Variants in TBCK observed in about 807,000 individuals in gnomAD.
The protein encoded by TBCK is TBC domain-containing protein kinase-like protein.
In TBCK, 99 loss-of-function variants were observed where a neutral mutation model predicts 113.4. The observed-to-expected ratio is 0.87, with a 90% CI of 0.74 to 1.03. TBCK has a LOEUF of 1.03. Among genes scored for constraint, TBCK ranks in the 50% least tolerant of loss-of-function variants. The pLI, the probability that TBCK is intolerant of heterozygous loss-of-function variation, is 0.00. For synonymous variants in TBCK, 369 were observed against 370.8 expected (o/e 1.00, Z 0.05); for missense variants, 1,045 against 1,061.3 (o/e 0.98, Z 0.21).
At chr4:106,135,685 A>G (rs1264428154) in intron 23 of TBCK, among the ~76,000 whole-genome samples, 2 of 141,796 alleles carry the variant, frequency 1.4e-5, no homozygotes, top group African/African-American at 5.0e-5. Context: ...AATTTGATAA[A>G]TAGTTACTGA....
At chr4:106,184,059 G>A (rs1047375109) in intron 22 of TBCK, among the ~76,000 whole-genome samples, 1 of 151,982 alleles carries the variant, frequency 6.6e-6, no homozygotes, top group African/African-American at 2.4e-5. Context: ...ACTTACTAGG[G>A]CTTCACCAAA....
At chr4:106,073,544 G>T (rs771884729) in intron 25 of TBCK, among the ~76,000 whole-genome samples, 1 of 152,202 alleles carries the variant, frequency 6.6e-6, no homozygotes, top group Non-Finnish European at 1.5e-5. Flanking sequence ...CTACTGGGAG[G>T]TATCTCCCAG....
chr4:106,300,115 C>A lies in TBCK; in HGVS notation c.194-4949G>T, dbSNP rs181781079. Among the ~76,000 whole-genome samples, 263 of 152,302 alleles carry A rather than the reference C, an allele frequency of 1.7e-3. 1 individual carries two copies. The highest frequency in any genetic ancestry group is 3.2e-3 in the Non-Finnish European group (219 of 68,032). ...GGTTCTATAAGGGGGAGTTTCCTTG[C>A]ACAAGTTCTCTTTTTTTGGCCTGCT... On this transcript the variant is annotated intron_variant, in intron 2 of 25. Transcript: ENST00000394708.
intron 23 of TBCK, among the ~76,000 whole-genome samples, chr4:106,152,631 T>G (rs957715492): frequency 2.6e-5 from 4 of 152,070 alleles, no homozygotes; most frequent in African/African-American, 9.7e-5. Flanking sequence ...CTCCACTATT[T>G]TTCAGAATAG....
At chr4:106,213,999 C>T (rs531488193) in intron 19 of TBCK, among the ~76,000 whole-genome samples, 2 of 152,268 alleles carry the variant, frequency 1.3e-5, no homozygotes, top group East Asian at 1.9e-4. Flanking sequence ...CAGTGGTTCT[C>T]CCAGCATGCA....
At chr4:106,281,842 C>G (rs779201702) in intron 3 of TBCK, among the ~76,000 whole-genome samples, 17 of 152,132 alleles carry the variant, frequency 1.1e-4, no homozygotes, top group Non-Finnish European at 2.4e-4. Flanking sequence ...CAATGATTTT[C>G]AGGGATATTG....
chr4:106,299,067 T>C (rs1766639302), intron 2 of TBCK, among the ~76,000 whole-genome samples: 1 of 152,222 alleles, frequency 6.6e-6, no homozygotes, highest in African/African-American at 2.4e-5. Flanking sequence ...TGCCTAGCAG[T>C]GCATCAGTAG....
intron 21 of TBCK, among the ~76,000 whole-genome samples, chr4:106,194,240 C>A (rs77945026): frequency 0.14 from 20,718 of 151,952 alleles, 1,675 homozygotes; most frequent in South Asian, 0.25. Context: ...ATATCTACTT[C>A]AAATATTATT....
At chr4:106,134,511 C>G (rs1746338008) in intron 23 of TBCK, among the ~76,000 whole-genome samples, 1 of 152,166 alleles carries the variant, frequency 6.6e-6, no homozygotes, top group African/African-American at 2.4e-5. Context: ...CCCCAACATC[C>G]CTTCTCCTCC....
Position 106,108,279 on chromosome 4 carries a change from C to T in TBCK, c.2411+7924G>A, listed in dbSNP as rs1019444451. On this transcript the variant is annotated intron_variant, in intron 24 of 25. Coordinates refer to ENST00000394708, the MANE Select transcript of TBCK (RefSeq NM_001163435.3). ...CTATGAGGCCAGCATCATCTTCATACCAAAGCCTGGCAGAGACACAGTAAA... is the reference window on the plus strand; with the variant it reads ...CTATGAGGCCAGCATCATCTTCATATCAAAGCCTGGCAGAGACACAGTAAA... 3.3e-5 allele frequency among the ~76,000 whole-genome samples: 5 copies of T among 151,240 alleles called. No homozygotes were observed. The East Asian group carries it at 9.6e-4, about 29-fold the overall frequency.
chr4:106,279,505 T>C (rs1042455403), intron 3 of TBCK, among the ~76,000 whole-genome samples: 1 of 152,176 alleles, frequency 6.6e-6, no homozygotes, highest in Non-Finnish European at 1.5e-5. Flanking sequence ...CAATAAATTA[T>C]TGTTGACTAT....
At chr4:106,216,062 T>C (rs1579275121) in intron 19 of TBCK, among the ~76,000 whole-genome samples, 2 of 151,894 alleles carry the variant, frequency 1.3e-5, no homozygotes, top group Admixed American at 1.3e-4. Flanking sequence ...ATTAAGAATC[T>C]CACTCAAAAC....
At chr4:106,060,550 T>A (rs1171784713) in intron 25 of TBCK, among the ~76,000 whole-genome samples, 1 of 151,798 alleles carries the variant, frequency 6.6e-6, no homozygotes, top group African/African-American at 2.4e-5. Flanking sequence ...TTTCAAAATA[T>A]TATTGCTCAT....
intron 25 of TBCK, among the ~76,000 whole-genome samples, chr4:106,056,972 AT>A (rs1735505548): frequency 1.3e-5 from 2 of 151,854 alleles, no homozygotes; most frequent in African/African-American, 4.8e-5. Flanking sequence ...ATTAACTTAT[AT>A]TTACATGAAA....
chr4:106,312,277 A>G (rs916154979), intron 1 of TBCK, among the ~76,000 whole-genome samples: 1 of 152,218 alleles, frequency 6.6e-6, no homozygotes, highest in Non-Finnish European at 1.5e-5. Flanking sequence ...CCACAATTCA[A>G]TAATAAAACA....
At chr4:106,180,298 C>T (rs969985616) in intron 22 of TBCK, among the ~76,000 whole-genome samples, 1 of 151,700 alleles carries the variant, frequency 6.6e-6, no homozygotes, top group East Asian at 1.9e-4. Flanking sequence ...TTGCTATTTG[C>T]TTGTTTTGTA....
At chr4:106,071,587 G>A (rs1467388568) in intron 25 of TBCK, among the ~76,000 whole-genome samples, 1 of 152,166 alleles carries the variant, frequency 6.6e-6, no homozygotes, top group Non-Finnish European at 1.5e-5. Flanking sequence ...GATTTGGGCT[G>A]AAGAGTTCTG....
intron 25 of TBCK, among the ~76,000 whole-genome samples, chr4:106,079,189 C>A (rs1738570961): frequency 6.6e-6 from 1 of 152,096 alleles, no homozygotes; most frequent in African/African-American, 2.4e-5. Flanking sequence ...TAAAAAGAGG[C>A]ATTTAGGACA....
intron 22 of TBCK, among the ~76,000 whole-genome samples, chr4:106,186,753 AT>A (rs1196343181): frequency 6.6e-6 from 1 of 152,016 alleles, no homozygotes; most frequent in Non-Finnish European, 1.5e-5. Context: ...CCACTTGTCA[AT>A]TTTTGTTTCT....
Sources: allele counts gnomAD v4.1 joint callset (sites outside exome capture counted in the v4.1 genomes callset), GRCh38; gene constraint gnomAD v4.1.1; transcripts MANE v1.5; gene names NCBI Gene and HGNC (gene_info 2026-07-23, HGNC 2026-07-21).